PITPNM3: variants seen among roughly 807,000 people sequenced by gnomAD.
PITPNM3 encodes the protein PITPNM family member 3, also known as membrane-associated phosphatidylinositol transfer protein 3.
In PITPNM3, 26 loss-of-function variants were observed where a neutral mutation model predicts 102.0. That is an observed-to-expected ratio of 0.25 (90% CI 0.19 to 0.35). PITPNM3 has a LOEUF of 0.35. Ranked by LOEUF, PITPNM3 falls within the 10% of genes least tolerant of loss-of-function variation. The pLI is 1.00. For missense variants in PITPNM3, 1,083 were observed against 1,346.1 expected (o/e 0.80, Z 3.06); for synonymous variants, 578 against 558.6 (o/e 1.03, Z -0.49).
chr17:6,473,964 G>A lies in PITPNM3; in HGVS notation c.1258+468C>T, dbSNP rs1247874710. Among the ~76,000 whole-genome samples the A allele has an allele frequency of 4.1e-5, 5 of 121,582 alleles. No individual in the cohort carries two copies. The South Asian group carries it at 1.1e-3, about 28-fold the overall frequency. The allele number at this position is 121,582 out of a possible 152,430, so 79.8% of individuals were successfully genotyped here. On this transcript the variant is annotated intron_variant, in intron 10 of 19. Transcript: ENST00000262483. ...TGCACTCCAGCCTGGGTGACAGAGT[G>A]AGACTCCATCTCAAAAAAAAAAAAA...
At position 6,470,504 on chromosome 17, in the gene PITPNM3, C is replaced by A; in HGVS notation, c.1625-96G>T. The A allele has an allele frequency of 6.5e-7, 1 of 1,548,176 alleles. No individual in the cohort carries two copies. Among genetic ancestry groups the A allele is most frequent in the Non-Finnish European group, 8.9e-7 (1 of 1,126,788 alleles). ...CCATTGCACAGACTGGTGGTGGATG[C>A]CCCACGTGGGGCACGGGTTTGGGCG... On this transcript the variant is annotated intron_variant, in intron 12 of 19. Coordinates refer to ENST00000262483, the MANE Select transcript of PITPNM3 (RefSeq NM_031220.4). This position sits in a 1 kb window ranked among gnomAD's most constrained non-coding sequence, Gnocchi z 4.8.
At position 6,472,214 on chromosome 17, in the gene PITPNM3, C is replaced by T. The variant is rs897295199; in HGVS notation, c.1429+443G>A. On this transcript the variant is annotated intron_variant, in intron 11 of 19. Coordinates refer to ENST00000262483, the MANE Select transcript of PITPNM3 (RefSeq NM_031220.4). The surrounding 1 kb of genome is among the most constrained non-coding windows in gnomAD (Gnocchi z 4.1). Reference sequence around the variant, plus strand: ...TCCCTGCCTGGAAGATCTCAACCCTCATCCTCTAGCTCTTCTCCACCTGCC... The same window carrying T: ...TCCCTGCCTGGAAGATCTCAACCCTTATCCTCTAGCTCTTCTCCACCTGCC... Among the ~76,000 whole-genome samples, 1 of 152,222 alleles carries T rather than the reference C, an allele frequency of 6.6e-6. No individual in the cohort carries two copies. The highest frequency in any genetic ancestry group is 1.5e-5 in the Non-Finnish European group (1 of 68,032).
At chr17:6,465,226 A>G (rs2150719289) in intron 14 of PITPNM3, among the ~76,000 whole-genome samples, 1 of 152,220 alleles carries the variant, frequency 6.6e-6, no homozygotes, top group Non-Finnish European at 1.5e-5. Flanking sequence ...TCATATTTTT[A>G]GTAGAGATGG....
chr17:6,491,670 G>C (rs902883276), intron 4 of PITPNM3, among the ~76,000 whole-genome samples: 6 of 152,040 alleles, frequency 3.9e-5, no homozygotes, highest in African/African-American at 1.2e-4. Context: ...CTCCTCTGCA[G>C]GTTCCCAGCT....
intron 1 of PITPNM3, among the ~76,000 whole-genome samples, chr17:6,542,042 G>A (rs1909756349): frequency 6.6e-6 from 1 of 152,198 alleles, no homozygotes; most frequent in Non-Finnish European, 1.5e-5. Context: ...GAAGAGATCA[G>A]GGCGGGGGAC....
chr17:6,460,452 T>A (rs542210019), intron 18 of PITPNM3: 1 of 152,386 alleles, frequency 6.6e-6, no homozygotes, highest in Admixed American at 6.5e-5. Context: ...TTGCAGACTT[T>A]TTCTTTGAAA....
chr17:6,556,347 C>T lies in PITPNM3; in HGVS notation c.22+38G>A. On this transcript the variant is annotated intron_variant, in intron 1 of 19. Coordinates refer to ENST00000262483, the MANE Select transcript of PITPNM3 (RefSeq NM_031220.4). The surrounding 1 kb of genome is among the most constrained non-coding windows in gnomAD (Gnocchi z 5.2). ...TCCTCTAGACGCGCGAGTCCCTCCC[C>T]CGGGCCCCGGCCCTGCCCTCCCCGC... The T allele has an allele frequency of 7.1e-7, 1 of 1,401,196 alleles. No homozygotes were observed. Among genetic ancestry groups the T allele is most frequent in the Non-Finnish European group, 9.3e-7 (1 of 1,073,718 alleles). The allele number at this position is 1,401,196 out of a possible 1,614,324, so 86.8% of individuals were successfully genotyped here.
chr17:6,503,423 T>A, intron 4 of PITPNM3, 104 bp downstream of exon 4: 1 of 1,341,622 alleles, frequency 7.5e-7, no homozygotes, highest in Non-Finnish European at 1.1e-6. Context: ...GCAGGGATCC[T>A]GCCATCCTTT....
chr17:6,528,537 AAGTG>A (rs912150859), intron 2 of PITPNM3, among the ~76,000 whole-genome samples: 4 of 131,010 alleles, frequency 3.1e-5, no homozygotes, highest in East Asian at 4.6e-4. Context: ...GTGTACATGC[AAGTG>A]AGTGTGTACA....
At chr17:6,520,029 C>T (rs1908419538) in intron 3 of PITPNM3, among the ~76,000 whole-genome samples, 1 of 151,982 alleles carries the variant, frequency 6.6e-6, no homozygotes, top group Non-Finnish European at 1.5e-5. Flanking sequence ...AAAGGATAAA[C>T]AATCCAATAG....
intron 4 of PITPNM3, among the ~76,000 whole-genome samples, chr17:6,486,947 C>A (rs1287723992): frequency 6.6e-6 from 1 of 152,186 alleles, no homozygotes; most frequent in South Asian, 2.1e-4. Context: ...TCACTTGCCC[C>A]ACGTACCTTA....
At chr17:6,506,943 A>T (rs1431327941) in intron 3 of PITPNM3, among the ~76,000 whole-genome samples, 6 of 152,326 alleles carry the variant, frequency 3.9e-5, no homozygotes, top group Admixed American at 3.9e-4. Flanking sequence ...GCTGAAACGC[A>T]CTAGTTGAGT....
At position 6,477,939 on chromosome 17, in the gene PITPNM3, G is replaced by A. The variant is rs536620409; in HGVS notation, c.900+36C>T. On this transcript the variant is annotated intron_variant, in intron 8 of 19. Transcript: ENST00000262483. ...CGAGGGGCAGGCCCTGCTCCTATGG[G>A]CATACCCCTCCCGCGGTCCTGTCCC... The A allele has an allele frequency of 3.7e-6, 6 of 1,607,850 alleles. 1 individual carries two copies. The South Asian group carries it at 5.5e-5, about 15-fold the overall frequency.
chr17:6,487,018 G>C (rs1018997947), intron 4 of PITPNM3, among the ~76,000 whole-genome samples: 13 of 152,180 alleles, frequency 8.5e-5, no homozygotes, highest in African/African-American at 3.1e-4. Flanking sequence ...CTAGTACCAG[G>C]AGGGAGAGGG....
intron 4 of PITPNM3, among the ~76,000 whole-genome samples, chr17:6,490,470 A>T (rs561959449): frequency 9.9e-5 from 15 of 152,258 alleles, no homozygotes; most frequent in Non-Finnish European, 1.5e-5. Context: ...TAGGACCTTG[A>T]AGGGGACCCA....
intron 15 of PITPNM3, 84 bp from the exon 16 acceptor site, chr17:6,464,402 G>T: frequency 7.0e-7 from 1 of 1,418,446 alleles, no homozygotes; most frequent in Non-Finnish European, 9.8e-7. Flanking sequence ...GGAACTCTGG[G>T]CTGAGGTCCC....
At chr17:6,497,955 G>A (rs1906935486) in intron 4 of PITPNM3, among the ~76,000 whole-genome samples, 2 of 152,202 alleles carry the variant, frequency 1.3e-5, no homozygotes, top group Admixed American at 6.5e-5. Flanking sequence ...GGAGAGGCAT[G>A]GAGCGGGTGA....
Position 6,455,506 on chromosome 17 carries a change from C to T in PITPNM3, c.2757G>A (p.Lys919=), listed in dbSNP as rs1914049542. The change falls in exon 20 of 20, where the codon AAG becomes AAA. Residue 919 remains lysine (K), a synonymous_variant. Transcript: ENST00000262483. ...ACATGGTTCTGCGCAGGTGGTTGCG[C>T]TTCCGCAGGAACTCTGGCTGCGCGT... ...GLHAQPEFLR[K]RNHLRRTMSV... 2.5e-6 allele frequency: 4 copies of T among 1,605,754 alleles called. No individual in the cohort carries two copies. Among genetic ancestry groups the T allele is most frequent in the Non-Finnish European group, 3.4e-6 (4 of 1,179,586 alleles).
intron 4 of PITPNM3, among the ~76,000 whole-genome samples, chr17:6,492,020 T>C (rs2150592812): frequency 6.6e-6 from 1 of 151,704 alleles, no homozygotes; most frequent in Non-Finnish European, 1.5e-5. Context: ...TTATGAATGT[T>C]TATTGGATAG....
Sources: allele counts gnomAD v4.1 joint callset (sites outside exome capture counted in the v4.1 genomes callset), GRCh38; gene constraint gnomAD v4.1.1; non-coding constraint Gnocchi (gnomAD v3.1); transcripts MANE v1.5; gene names NCBI Gene and HGNC (gene_info 2026-07-23, HGNC 2026-07-21).